Variants in NCAPG observed in about 807,000 individuals in gnomAD.
The protein encoded by NCAPG is non-SMC condensin I complex subunit G.
Under a neutral mutation model 113.1 loss-of-function variants are expected in NCAPG, and 69 were observed. The ratio of observed to expected loss-of-function variants is 0.61; its 90% CI spans 0.50 to 0.75. NCAPG has a LOEUF of 0.75. NCAPG is among the 30% of genes least tolerant of loss of function. NCAPG has a pLI of 0.00. For synonymous variants in NCAPG, 370 were observed against 415.8 expected (o/e 0.89, Z 1.34); for missense variants, 1,058 against 1,177.0 (o/e 0.90, Z 1.48).
chr4:17,842,623 A>G (rs892536658), intron 20 of NCAPG: 5 of 388,082 alleles, frequency 1.3e-5, no homozygotes, highest in Admixed American at 8.2e-5. Context: ...TGTTGTTTCA[A>G]TTTTTAATTA....
chr4:17,824,716 G>T (rs146936402), intron 9 of NCAPG, among the ~76,000 whole-genome samples: 23 of 152,124 alleles, frequency 1.5e-4, no homozygotes, highest in African/African-American at 4.8e-4. Context: ...TTATATGAGG[G>T]ATAATTTACT....
At chr4:17,824,043 T>C (rs1034706618) in intron 9 of NCAPG, among the ~76,000 whole-genome samples, 1 of 152,270 alleles carries the variant, frequency 6.6e-6, no homozygotes, top group East Asian at 1.9e-4. Context: ...TATGGTTTTG[T>C]CCATGAGGCA....
intron 7 of NCAPG, among the ~76,000 whole-genome samples, chr4:17,819,040 A>G (rs1025107368): frequency 3.3e-5 from 5 of 152,170 alleles, no homozygotes; most frequent in African/African-American, 1.2e-4. Flanking sequence ...CTGCATTTAT[A>G]TACATTTTTT....
chr4:17,825,480 A>G lies in NCAPG; in HGVS notation c.1572A>G (p.Glu524=). 6.2e-7 allele frequency: 1 copy of G among 1,610,006 alleles called. No homozygotes were observed. The highest frequency in any genetic ancestry group is 8.5e-7 in the Non-Finnish European group (1 of 1,178,566). ...ATCGGGCATCAGAATTAAAAGAAGA[A>G]ATAAAAGCATTAGAAGATGCCAGAA... ...DFNRASELKE[E]IKALEDARIN... The change falls in exon 11 of 21, where the codon GAA becomes GAG. Residue 524 remains glutamate, a synonymous_variant. Coordinates refer to ENST00000251496, the MANE Select transcript of NCAPG (RefSeq NM_022346.5).
chr4:17,835,972 C>G (rs538963514), intron 14 of NCAPG, among the ~76,000 whole-genome samples: 5 of 152,176 alleles, frequency 3.3e-5, no homozygotes, highest in Non-Finnish European at 2.9e-5. Flanking sequence ...TGTTTCAATT[C>G]TTTTGGGTAT....
intron 6 of NCAPG, 75 bp from the exon 7 acceptor site, chr4:17,817,864 T>C: frequency 7.1e-7 from 1 of 1,404,954 alleles, no homozygotes; most frequent in Non-Finnish European, 9.5e-7. Context: ...ATCTTATTAT[T>C]CTCATTTTTG....
chr4:17,820,632 A>G (rs540586413), intron 7 of NCAPG, among the ~76,000 whole-genome samples: 1 of 152,220 alleles, frequency 6.6e-6, no homozygotes, highest in East Asian at 1.9e-4. Flanking sequence ...AACTTTCAGA[A>G]ATTTATTTTA....
At chr4:17,831,163 T>C (rs1014906967) in intron 13 of NCAPG, 47 bp downstream of exon 13, 6 of 1,581,246 alleles carry the variant, frequency 3.8e-6, no homozygotes, top group Non-Finnish European at 5.2e-6. Context: ...CCTGAAATAC[T>C]CTGTGGCGAT....
Position 17,815,420 on chromosome 4 carries a change from G to T in NCAPG, c.775+62G>T, listed in dbSNP as rs1721162197. On this transcript the variant is annotated intron_variant, in intron 5 of 20. Transcript: ENST00000251496. ...AGATTTTGAGGTCAGACTTAACAAG[G>T]TTTAAGAAACGAGTGTCAAATCAGG... is the stretch of plus-strand genomic sequence containing the variant. 4 of 1,264,256 alleles carry T rather than the reference G, an allele frequency of 3.2e-6. 1 individual carries two copies. The Middle Eastern group carries it at 7.6e-4, about 242-fold the overall frequency. The allele number at this position is 1,264,256 out of a possible 1,614,324, so 78.3% of individuals were successfully genotyped here. A position where few individuals can be genotyped will look rare whatever the true frequency, so the allele number is the denominator to read the frequency against.
At chr4:17,815,628 G>A (rs751700270) in intron 5 of NCAPG, among the ~76,000 whole-genome samples, 1 of 152,138 alleles carries the variant, frequency 6.6e-6, no homozygotes, top group African/African-American at 2.4e-5. Flanking sequence ...AGTTTCAAGC[G>A]ATTCTCCTGC....
chr4:17,831,147 G>A lies in NCAPG; in HGVS notation c.1884+31G>A, dbSNP rs546080261. Reference sequence around the variant, plus strand: ...ATTTATCTTGTGATAAATCTCAACTGTATTTCCTGAAATACTCTGTGGCGA... The same window carrying A: ...ATTTATCTTGTGATAAATCTCAACTATATTTCCTGAAATACTCTGTGGCGA... On this transcript the variant is annotated intron_variant, in intron 13 of 20. Coordinates refer to ENST00000251496, the MANE Select transcript of NCAPG (RefSeq NM_022346.5). 237 of 1,605,544 alleles carry A rather than the reference G, an allele frequency of 1.5e-4. 3 individuals carry two copies. The South Asian group carries it at 2.5e-3, about 17-fold the overall frequency.
At chr4:17,837,542 T>C in intron 15 of NCAPG, 85 bp from the exon 16 acceptor site, 1 of 1,440,130 alleles carries the variant, frequency 6.9e-7, no homozygotes, top group Admixed American at 2.2e-5. Flanking sequence ...ATGAGTGAAT[T>C]TCCTACATAG....
chr4:17,834,394 A>C lies in NCAPG; in HGVS notation c.1980A>C (p.Lys660Asn). 1.2e-6 allele frequency: 2 copies of C among 1,611,624 alleles called. No individual in the cohort carries two copies. Among genetic ancestry groups the C allele is most frequent in the Non-Finnish European group, 1.7e-6 (2 of 1,178,706 alleles). Residue 660 changes from lysine to asparagine, a missense_variant, in exon 14 of 21, where the codon AAA (lysine) becomes AAC (asparagine). Transcript: ENST00000251496. The stretch of plus-strand genomic sequence containing the variant: ...TCGGGATTGAACCATTTAAAACTAA[A>C]AAAATCAAAACACTTCATTGTGAAG... ...MTFGIEPFKTKKIKTLHCEGT... is the reference protein window; with the variant it reads ...MTFGIEPFKTNKIKTLHCEGT...
chr4:17,830,693 A>G (rs1296686015), intron 12 of NCAPG, among the ~76,000 whole-genome samples: 1 of 152,126 alleles, frequency 6.6e-6, no homozygotes, highest in Non-Finnish European at 1.5e-5. Context: ...ACTGAGCAAG[A>G]GGTAGCATGG....
rs755212353 is a variant in NCAPG, at chr4:17,842,297, T to C, written c.2855-13T>C. The C allele has an allele frequency of 6.2e-6, 10 of 1,609,314 alleles. No homozygotes were observed. In the Admixed American group the frequency reaches 1.3e-4, roughly 22 times the overall value. On this transcript the variant is annotated splice_polypyrimidine_tract_variant and intron_variant, in intron 19 of 20. Coordinates refer to ENST00000251496, the MANE Select transcript of NCAPG (RefSeq NM_022346.5). ...GATAATAAATCCTGATAATGAATTATACTATCTTCAAGGACAGAGAAAAGT... is the reference window on the plus strand; with the variant it reads ...GATAATAAATCCTGATAATGAATTACACTATCTTCAAGGACAGAGAAAAGT...
chr4:17,822,838 G>A (rs1721512431), intron 7 of NCAPG, 145 bp from the exon 8 acceptor site: 1 of 503,436 alleles, frequency 2.0e-6, no homozygotes, highest in African/African-American at 2.0e-5. Flanking sequence ...GCATAGAATT[G>A]AGTTTGTAGA....
intron 11 of NCAPG, among the ~76,000 whole-genome samples, chr4:17,827,948 G>A (rs1015697355): frequency 5.9e-5 from 9 of 152,058 alleles, no homozygotes; most frequent in Non-Finnish European, 1.2e-4. Flanking sequence ...TGGGACCACA[G>A]GTGTGCACCA....
intron 13 of NCAPG, 63 bp downstream of exon 13, chr4:17,831,179 T>C (rs978938681): frequency 4.7e-5 from 72 of 1,524,430 alleles, no homozygotes; most frequent in Non-Finnish European, 5.2e-5. Context: ...GCGATAATGC[T>C]AATACTCTGA....
intron 12 of NCAPG, among the ~76,000 whole-genome samples, chr4:17,830,661 C>G (rs1435737166): frequency 6.6e-6 from 1 of 150,776 alleles, no homozygotes; most frequent in Admixed American, 6.6e-5. Flanking sequence ...AGCATTGAAT[C>G]CAAGCCAGAC....
Sources: gnomAD v4.1 joint callset for allele counts (sites outside exome capture counted in the v4.1 genomes callset) on GRCh38, gnomAD v4.1.1 for gene constraint, MANE v1.5 for transcripts, NCBI Gene and HGNC (gene_info 2026-07-23, HGNC 2026-07-21) for gene names.